Variants in PGAP1 observed in about 807,000 individuals in gnomAD.
PGAP1 encodes post-GPI attachment to proteins inositol deacylase 1.
A neutral mutation model predicts 127.0 loss-of-function variants in PGAP1; 76 were observed. The ratio of observed to expected loss-of-function variants is 0.60; its 90% CI spans 0.50 to 0.72. PGAP1 has a LOEUF of 0.72. Among genes scored for constraint, PGAP1 ranks in the 30% least tolerant of loss-of-function variants. The pLI, the probability that PGAP1 is intolerant of heterozygous loss-of-function variation, is 0.00. For synonymous variants in PGAP1, 362 were observed against 366.5 expected (o/e 0.99, Z 0.14); for missense variants, 982 against 1,071.3 (o/e 0.92, Z 1.16).
chr2:196,880,910 T>A (rs1225198659), intron 12 of PGAP1, among the ~76,000 whole-genome samples: 1 of 152,190 alleles, frequency 6.6e-6, no homozygotes, highest in Non-Finnish European at 1.5e-5. Context: ...TGTGCAAATT[T>A]GTTACACAGG....
In PGAP1 at chr2:196,839,150, T is replaced by C. The variant is rs572889137; in HGVS notation, c.*2084A>G. ...CTAACTAAACAAAGAGGTTTTAGAA[T>C]ACATAAACATAATATTTATGGCTAT... On this transcript the variant is annotated 3_prime_UTR_variant, in exon 27 of 27. Coordinates refer to ENST00000354764, the MANE Select transcript of PGAP1 (RefSeq NM_024989.4). The C allele has an allele frequency of 6.5e-6, 1 of 152,766 alleles. No individual in the cohort carries two copies. Among genetic ancestry groups the C allele is most frequent in the East Asian group, 1.9e-4 (1 of 5,192 alleles). 9.5% of individuals were successfully genotyped at this position (152,766 alleles called of 1,614,324 possible).
intron 4 of PGAP1, among the ~76,000 whole-genome samples, chr2:196,903,162 A>G (rs1702554932): frequency 6.6e-6 from 1 of 152,062 alleles, no homozygotes; most frequent in Non-Finnish European, 1.5e-5. Context: ...GTATATGCAC[A>G]TGTTCAAACT....
At chr2:196,894,723 A>G (rs981089089) in intron 7 of PGAP1, among the ~76,000 whole-genome samples, 5 of 152,006 alleles carry the variant, frequency 3.3e-5, no homozygotes, top group African/African-American at 7.2e-5. Flanking sequence ...AATGGCATGA[A>G]CCCGGGAGGC....
At chr2:196,862,255 G>T (rs1327106682) in intron 20 of PGAP1, among the ~76,000 whole-genome samples, 1 of 151,996 alleles carries the variant, frequency 6.6e-6, no homozygotes, top group Non-Finnish European at 1.5e-5. Context: ...ATGGTCTGTA[G>T]ACTGTAGGGG....
At chr2:196,857,924 T>C (rs2125787230) in intron 20 of PGAP1, among the ~76,000 whole-genome samples, 1 of 152,304 alleles carries the variant, frequency 6.6e-6, no homozygotes, top group East Asian at 1.9e-4. Context: ...TTTACCTCCC[T>C]GAATATGCAT....
At chr2:196,897,503 T>G (rs1702323248) in intron 6 of PGAP1, among the ~76,000 whole-genome samples, 1 of 152,196 alleles carries the variant, frequency 6.6e-6, no homozygotes, top group Non-Finnish European at 1.5e-5. Flanking sequence ...CTGAAGTATG[T>G]CATTCTAGCA....
In PGAP1 at chr2:196,834,684, T is replaced by C. The variant is rs1188323938; in HGVS notation, c.*6550A>G. The C allele has an allele frequency of 6.6e-6, 1 of 152,006 alleles. No individual in the cohort carries two copies. Among genetic ancestry groups the C allele is most frequent in the African/African-American group, 2.4e-5 (1 of 41,442 alleles). 9.4% of individuals were successfully genotyped at this position (152,006 alleles called of 1,614,324 possible). On this transcript the variant is annotated 3_prime_UTR_variant, in exon 27 of 27. Coordinates refer to ENST00000354764, the MANE Select transcript of PGAP1 (RefSeq NM_024989.4). ...ATATACAGTATAAATCGGGAGTTTT[T>C]TTTCCACTGCACAGTGGAGGAAGGG...
intron 26 of PGAP1, among the ~76,000 whole-genome samples, chr2:196,842,048 TAAAAAA>T (rs576737159): frequency 3.1e-5 from 4 of 127,468 alleles, no homozygotes. Context: ...ACCCTACTTA[TAAAAAA>T]AAAAAACAAA....
intron 10 of PGAP1, among the ~76,000 whole-genome samples, chr2:196,886,110 T>TATC (rs1701894666): frequency 6.6e-6 from 1 of 151,780 alleles, no homozygotes; most frequent in Admixed American, 6.6e-5. Flanking sequence ...GGTAAGCAGT[T>TATC]ATCCTGGAGC....
intron 2 of PGAP1, 84 bp from the exon 3 acceptor site, chr2:196,916,677 C>A: frequency 7.7e-7 from 1 of 1,303,596 alleles, no homozygotes; most frequent in Non-Finnish European, 1.0e-6. Context: ...TAGTAAATAA[C>A]CTTATCCTGC....
chr2:196,857,825 G>A (rs900611267), intron 20 of PGAP1, among the ~76,000 whole-genome samples: 2 of 152,120 alleles, frequency 1.3e-5, no homozygotes, highest in East Asian at 3.8e-4. Context: ...AACTGGCATC[G>A]CCCTTGTTAT....
chr2:196,911,606 TAAAAAAAAAAAAAAAAAA>T (rs56107551), intron 4 of PGAP1, among the ~76,000 whole-genome samples: 2 of 77,286 alleles, frequency 2.6e-5, no homozygotes, highest in African/African-American at 9.9e-5. Flanking sequence ...TAGAGTATAA[TAAAAAAAAAAAAAAAAAA>T]AAAAAAAAAA....
intron 5 of PGAP1, 32 bp from the exon 6 acceptor site, chr2:196,898,401 A>G: frequency 1.3e-6 from 2 of 1,504,578 alleles, no homozygotes; most frequent in South Asian, 2.3e-5. Context: ...AACTTACGAA[A>G]AGCACATTTG....
intron 1 of PGAP1, among the ~76,000 whole-genome samples, 166 bp downstream of exon 1, chr2:196,926,304 G>T (rs963940886): frequency 6.6e-6 from 1 of 151,696 alleles, no homozygotes; most frequent in African/African-American, 2.4e-5. Flanking sequence ...GGTGAGGGGG[G>T]CAGAAGGGGG....
chr2:196,859,300 T>C (rs1475866716), intron 20 of PGAP1, among the ~76,000 whole-genome samples: 2 of 152,192 alleles, frequency 1.3e-5, no homozygotes, highest in African/African-American at 2.4e-5. Context: ...GCACTCCAAC[T>C]TGGGCAACAG....
intron 9 of PGAP1, 55 bp downstream of exon 9, chr2:196,892,291 T>G: frequency 1.2e-6 from 1 of 802,626 alleles, no homozygotes; most frequent in Non-Finnish European, 2.1e-6. Context: ...TAAAGATAAA[T>G]ACTAAATTAT....
chr2:196,833,820 C>T lies in PGAP1; in HGVS notation c.*7414G>A, dbSNP rs1700161389. ...TATCCTGTGAATAAAATAATTTGGACCTTAATATAAATTATATCCATTATT... is the reference window on the plus strand; with the variant it reads ...TATCCTGTGAATAAAATAATTTGGATCTTAATATAAATTATATCCATTATT... On this transcript the variant is annotated 3_prime_UTR_variant, in exon 27 of 27. Transcript: ENST00000354764. 1.3e-5 allele frequency: 2 copies of T among 151,684 alleles called. No homozygotes were observed. Among genetic ancestry groups the T allele is most frequent in the Admixed American group, 1.3e-4 (2 of 15,222 alleles). The allele number at this position is 151,684 out of a possible 1,614,324, so 9.4% of individuals were successfully genotyped here.
Position 196,872,549 on chromosome 2 carries a change from C to T in PGAP1, c.1620G>A (p.Gln540=). The T allele has an allele frequency of 6.3e-7, 1 of 1,595,836 alleles. No homozygotes were observed. The highest frequency in any genetic ancestry group is 8.6e-7 in the Non-Finnish European group (1 of 1,164,036). The change falls in exon 18 of 27, where the codon CAG becomes CAA. Residue 540 remains glutamine (Q), a splice_region_variant and synonymous_variant. Coordinates refer to ENST00000354764, the MANE Select transcript of PGAP1 (RefSeq NM_024989.4). Reference sequence around the variant, plus strand: ...GAGAAATTTCTGTGGAAGATGGAGCCCTGAAGAGATAACTTAAATATCAAT... The same window carrying T: ...GAGAAATTTCTGTGGAAGATGGAGCTCTGAAGAGATAACTTAAATATCAAT... ...WSYEDSLTIA[Q]APSSTEISLK...
chr2:196,873,820 T>C (rs1701477736), intron 14 of PGAP1, 62 bp from the exon 15 acceptor site: 1 of 1,099,224 alleles, frequency 9.1e-7, no homozygotes, highest in African/African-American at 1.6e-5. Context: ...AACATACTGA[T>C]TATTTAATTA....
Sources: allele counts gnomAD v4.1 joint callset (sites outside exome capture counted in the v4.1 genomes callset), GRCh38; gene constraint gnomAD v4.1.1; transcripts MANE v1.5; gene names NCBI Gene and HGNC (gene_info 2026-07-23, HGNC 2026-07-21).